Variants in FRMD4A observed in about 807,000 individuals in gnomAD.
FRMD4A encodes FERM domain containing 4A.
FRMD4A carries 29 observed loss-of-function variants against 129.1 expected under a neutral mutation model. The observed-to-expected ratio is 0.22, with a 90% confidence interval of 0.17 to 0.31. The LOEUF (loss-of-function observed/expected upper bound fraction) is 0.31, where lower values mean the gene tolerates loss of function less well. Among genes scored for constraint, FRMD4A ranks in the 10% least tolerant of loss-of-function variants. FRMD4A has a pLI of 1.00. For missense variants in FRMD4A, 1,272 were observed against 1,375.8 expected (o/e 0.92, Z 1.19); for synonymous variants, 634 against 571.6 (o/e 1.11, Z -1.56).
chr10:14,159,008 A>G (rs1359636829), intron 2 of FRMD4A, among the ~76,000 whole-genome samples: 1 of 152,182 alleles, frequency 6.6e-6, no homozygotes, highest in Non-Finnish European at 1.5e-5. Flanking sequence ...AGAGTATATA[A>G]AGGCAAGTTG....
chr10:13,775,587 C>T (rs1409337487), intron 6 of FRMD4A, among the ~76,000 whole-genome samples: 2 of 151,988 alleles, frequency 1.3e-5, no homozygotes, highest in East Asian at 3.8e-4. Flanking sequence ...TGGTGTAAAA[C>T]AAAAAACAGG....
intron 2 of FRMD4A, among the ~76,000 whole-genome samples, chr10:14,159,587 A>C (rs1402499863): frequency 6.6e-6 from 1 of 152,186 alleles, no homozygotes; most frequent in Non-Finnish European, 1.5e-5. Flanking sequence ...TTCAATCCCT[A>C]TCCAAATACC....
At chr10:13,734,806 A>C (rs986587214) in intron 12 of FRMD4A, among the ~76,000 whole-genome samples, 2 of 152,018 alleles carry the variant, frequency 1.3e-5, no homozygotes, top group Non-Finnish European at 2.9e-5. Context: ...GGCACCTAAT[A>C]GGTATGCAAT....
intron 2 of FRMD4A, among the ~76,000 whole-genome samples, chr10:14,243,905 G>T (rs563035995): frequency 6.6e-6 from 1 of 151,452 alleles, no homozygotes; most frequent in African/African-American, 2.4e-5. Flanking sequence ...AGAAGAAATG[G>T]GCCCTCAGTT....
chr10:14,041,003 T>G (rs1279332014), intron 2 of FRMD4A, among the ~76,000 whole-genome samples: 1 of 152,226 alleles, frequency 6.6e-6, no homozygotes, highest in Admixed American at 6.5e-5. Context: ...GAATAACTGC[T>G]CTACTTCCTC....
intron 6 of FRMD4A, among the ~76,000 whole-genome samples, chr10:13,769,912 A>T (rs1472077301): frequency 6.6e-6 from 1 of 152,130 alleles, no homozygotes; most frequent in Non-Finnish European, 1.5e-5. Context: ...GGACTCAGCC[A>T]GTGGACTGAC....
chr10:13,680,347 C>T (rs988060559), intron 15 of FRMD4A, among the ~76,000 whole-genome samples: 4 of 152,138 alleles, frequency 2.6e-5, no homozygotes, highest in Non-Finnish European at 5.9e-5. Context: ...TAGGCTTATG[C>T]TGATTTATCC....
chr10:13,739,910 G>A (rs1221143456), intron 11 of FRMD4A, among the ~76,000 whole-genome samples: 2 of 152,184 alleles, frequency 1.3e-5, no homozygotes, highest in African/African-American at 4.8e-5. Context: ...GACCAGCCTG[G>A]CCAACATGGC....
rs12763614 is a variant in FRMD4A, at chr10:14,197,007, C to T, written c.45+133051G>A. On this transcript the variant is annotated intron_variant, in intron 2 of 24. Transcript: ENST00000357447. ...TTGGAAACCAACGAATTGGGTGAAT[C>T]CTAGAATTGCTATCACTGTTCTCAA... 4.3e-3 allele frequency among the ~76,000 whole-genome samples: 650 copies of T among 152,226 alleles called. 2 individuals are homozygous for T. Among genetic ancestry groups the T allele is most frequent in the Non-Finnish European group, 7.0e-3 (479 of 68,016 alleles).
At chr10:13,983,195 G>A (rs944828773) in intron 2 of FRMD4A, among the ~76,000 whole-genome samples, 7 of 152,058 alleles carry the variant, frequency 4.6e-5, no homozygotes, top group African/African-American at 1.7e-4. Context: ...TTCTGACAGA[G>A]GCCAAGTGTC....
intron 2 of FRMD4A, among the ~76,000 whole-genome samples, chr10:14,125,759 G>A (rs369069557): frequency 5.0e-4 from 76 of 152,130 alleles, no homozygotes; most frequent in African/African-American, 1.7e-3. Context: ...TCATGCGCAC[G>A]CGCACACATA....
At position 13,659,329 on chromosome 10, in the gene FRMD4A, G is replaced by T; in HGVS notation, c.2060C>A (p.Ser687Tyr). 1 of 1,613,802 alleles carries T rather than the reference G, an allele frequency of 6.2e-7. No individual in the cohort carries two copies. Among genetic ancestry groups the T allele is most frequent in the Non-Finnish European group, 8.5e-7 (1 of 1,179,632 alleles). The change falls in exon 21 of 25, where the codon TCC becomes TAC. Residue 687 changes from serine to tyrosine, a missense_variant. This residue lies in a region of FRMD4A where 972 missense variants were observed against 892.3 expected (regional missense o/e 1.09). Transcript: ENST00000357447. ...GAAGGCCAGGCAGACTCACCTCGTG[G>T]AATGGACGTAGTGGGGACTCCGGAC... ...LRVRSPHYVH[S>Y]TRSVDISPTR...
rs140542717 is a variant in FRMD4A, at chr10:14,227,412, C to A, written c.45+102646G>T. On this transcript the variant is annotated intron_variant, in intron 2 of 24. Transcript: ENST00000357447. ...GATTACAGACATGTACCACTAACCC[C>A]GGCTAATTTTTGTATTTTTAGTAGA... Among the ~76,000 whole-genome samples, 11 of 151,950 alleles carry A rather than the reference C, an allele frequency of 7.2e-5. No homozygotes were observed. The East Asian group carries it at 1.6e-3, about 21-fold the overall frequency.
At chr10:14,306,282 A>G (rs1306131708) in intron 2 of FRMD4A, among the ~76,000 whole-genome samples, 2 of 152,238 alleles carry the variant, frequency 1.3e-5, no homozygotes, top group Non-Finnish European at 2.9e-5. Context: ...AAAAATTCAT[A>G]TTAGCCAAGT....
chr10:14,158,624 A>AT (rs953421539), intron 2 of FRMD4A, among the ~76,000 whole-genome samples: 2 of 151,580 alleles, frequency 1.3e-5, no homozygotes, highest in African/African-American at 2.4e-5. Context: ...TCAAAAATAA[A>AT]TAAAAAAAAA....
At chr10:14,286,403 A>T (rs72778690) in intron 2 of FRMD4A, among the ~76,000 whole-genome samples, 2,254 of 152,290 alleles carry the variant, frequency 0.015, 49 homozygotes, top group South Asian at 0.064. Context: ...AACTTCTGCA[A>T]CTTGACCTCT....
intron 2 of FRMD4A, among the ~76,000 whole-genome samples, chr10:13,882,643 C>T (rs970667372): frequency 6.6e-6 from 1 of 152,158 alleles, no homozygotes; most frequent in African/African-American, 2.4e-5. Context: ...GCTGGGAAGG[C>T]ACAGGACAGA....
At chr10:14,124,182 A>G (rs969513003) in intron 2 of FRMD4A, among the ~76,000 whole-genome samples, 2 of 152,138 alleles carry the variant, frequency 1.3e-5, no homozygotes, top group Non-Finnish European at 2.9e-5. Context: ...GTCCAACCAG[A>G]TCAGAGTCAG....
Position 13,782,980 on chromosome 10 carries a change from A to G in FRMD4A, c.326T>C (p.Leu109Pro). Residue 109 changes from leucine (L) to proline (P), a missense_variant, in exon 6 of 25, where the codon CTG becomes CCG. This residue lies in a region of FRMD4A where 300 missense variants were observed against 483.6 expected (regional missense o/e 0.62). Coordinates refer to ENST00000357447, the MANE Select transcript of FRMD4A (RefSeq NM_018027.5). The part of the protein sequence containing the change: ...VRFYIESISY[L>P]KDNATIELFF... ...AAGCTCAATGGTAGCATTATCCTTC[A>G]GGTATGAAATGCTTTCTATATAGAA... 1 of 1,481,188 alleles carries G rather than the reference A, an allele frequency of 6.8e-7. No homozygotes were observed. Among genetic ancestry groups the G allele is most frequent in the Non-Finnish European group, 9.4e-7 (1 of 1,058,466 alleles). 91.8% of individuals were successfully genotyped at this position (1,481,188 alleles called of 1,614,324 possible).
Sources: allele counts gnomAD v4.1 joint callset (sites outside exome capture counted in the v4.1 genomes callset), GRCh38; gene constraint gnomAD v4.1.1; regional missense constraint gnomAD v4.1.1; transcripts MANE v1.5; gene names NCBI Gene and HGNC (gene_info 2026-07-23, HGNC 2026-07-21).